The following THRB variants were observed in gnomAD, a reference collection of about 807,000 sequenced individuals.
The protein encoded by THRB is nuclear receptor subfamily 1 group A member 2.
A neutral mutation model predicts 47.8 loss-of-function variants in THRB; 12 were observed. The observed-to-expected ratio is 0.25, with a 90% CI of 0.16 to 0.41. THRB has a LOEUF of 0.41. Among genes scored for constraint, THRB ranks in the 10% least tolerant of loss-of-function variants. The probability of loss-of-function intolerance (pLI) is 1.00; values close to 1 mark genes in which losing one functional copy is unlikely to be tolerated. For synonymous variants in THRB, 218 were observed against 212.2 expected (o/e 1.03, Z -0.24); for missense variants, 348 against 589.2 (o/e 0.59, Z 4.24).
intron 5 of THRB, among the ~76,000 whole-genome samples, chr3:24,163,323 A>G (rs1459209913): frequency 6.6e-6 from 1 of 152,204 alleles, no homozygotes; most frequent in Non-Finnish European, 1.5e-5. Flanking sequence ...AATTACATCA[A>G]TATATGCATA....
chr3:24,370,626 G>A (rs2064836564), intron 1 of THRB, among the ~76,000 whole-genome samples: 1 of 152,120 alleles, frequency 6.6e-6, no homozygotes, highest in South Asian at 2.1e-4. Context: ...ACCCTCACTA[G>A]TCTGGGGACA....
At chr3:24,187,892 C>T (rs4858585) in intron 5 of THRB, among the ~76,000 whole-genome samples, 39,571 of 152,064 alleles carry the variant, frequency 0.26, 5,960 homozygotes, top group African/African-American at 0.42. Flanking sequence ...CAAGATGACA[C>T]AGGTTTCCTG....
intron 3 of THRB, among the ~76,000 whole-genome samples, chr3:24,247,971 T>A (rs1208560431): frequency 6.6e-6 from 1 of 152,190 alleles, no homozygotes; most frequent in Non-Finnish European, 1.5e-5. Flanking sequence ...AAAAGTTTAC[T>A]CTTGATGAGT....
chr3:24,448,247 A>C (rs902041844), intron 1 of THRB, among the ~76,000 whole-genome samples: 1 of 152,136 alleles, frequency 6.6e-6, no homozygotes, highest in African/African-American at 2.4e-5. Context: ...TTAACTTTAA[A>C]AAAGACTCGC....
chr3:24,260,640 A>C (rs2051864074), intron 3 of THRB, among the ~76,000 whole-genome samples: 1 of 152,076 alleles, frequency 6.6e-6, no homozygotes, highest in Non-Finnish European at 1.5e-5. Context: ...TGCGCACTAA[A>C]TGCTCTCAGG....
At chr3:24,238,104 T>C (rs1252902561) in intron 3 of THRB, 1 of 152,070 alleles carries the variant, frequency 6.6e-6, no homozygotes, top group Admixed American at 6.6e-5. Flanking sequence ...AGATAGTCTC[T>C]TAAGAGGACA....
intron 6 of THRB, among the ~76,000 whole-genome samples, chr3:24,147,955 A>C (rs1360739530): frequency 3.3e-5 from 5 of 152,122 alleles, no homozygotes; most frequent in Non-Finnish European, 5.9e-5. Context: ...GCGGCACTCC[A>C]CATCTTACTT....
At chr3:24,379,376 G>A (rs1452411961) in intron 1 of THRB, among the ~76,000 whole-genome samples, 1 of 152,154 alleles carries the variant, frequency 6.6e-6, no homozygotes, top group African/African-American at 2.4e-5. Context: ...CCATAAGGGA[G>A]AGTCAAGGGT....
chr3:24,125,200 T>C (rs139493328), intron 10 of THRB, among the ~76,000 whole-genome samples: 4 of 152,312 alleles, frequency 2.6e-5, no homozygotes, highest in South Asian at 4.1e-4. Flanking sequence ...ACCACAAAAA[T>C]AGATGCATGG....
chr3:24,294,834 GACTCTAGGGACTAGCAAGGA>G (rs1263367126), intron 3 of THRB, among the ~76,000 whole-genome samples: 1 of 152,206 alleles, frequency 6.6e-6, no homozygotes, highest in Non-Finnish European at 1.5e-5. Context: ...TTATTTGTTT[GACTCTAGGGACTAGCAAGGA>G]AACTTTCCCT....
intron 2 of THRB, among the ~76,000 whole-genome samples, chr3:24,299,946 C>T (rs1021631373): frequency 5.3e-5 from 8 of 151,976 alleles, no homozygotes; most frequent in Non-Finnish European, 1.2e-4. Flanking sequence ...TTGAGTTGCA[C>T]ATCCCAACAC....
chr3:24,457,628 T>C (rs942813597), intron 1 of THRB, among the ~76,000 whole-genome samples: 56 of 152,354 alleles, frequency 3.7e-4, no homozygotes, highest in African/African-American at 1.3e-3. Context: ...GAAAATATTA[T>C]ACGTTTGGTA....
chr3:24,317,968 G>A (rs536447548), intron 2 of THRB, among the ~76,000 whole-genome samples: 1 of 152,212 alleles, frequency 6.6e-6, no homozygotes, highest in Admixed American at 6.5e-5. Flanking sequence ...TGAGTCGGGA[G>A]GATCACCTGA....
chr3:24,266,338 C>T (rs763636820), intron 3 of THRB, among the ~76,000 whole-genome samples: 1 of 152,132 alleles, frequency 6.6e-6, no homozygotes, highest in Non-Finnish European at 1.5e-5. Flanking sequence ...TGGGCTGTGG[C>T]GGTGTGGCTC....
chr3:24,464,827 C>A (rs1560253028), intron 1 of THRB, among the ~76,000 whole-genome samples: 1 of 152,056 alleles, frequency 6.6e-6, no homozygotes, highest in African/African-American at 2.4e-5. Context: ...TAAAGAAAAT[C>A]TTTTTTTATC....
intron 7 of THRB, 120 bp downstream of exon 7, chr3:24,146,555 G>A (rs1163668359): frequency 9.3e-7 from 1 of 1,070,102 alleles, no homozygotes; most frequent in African/African-American, 1.5e-5. Flanking sequence ...GCGAAAGTAA[G>A]GTATTCCCTT....
chr3:24,416,045 A>G (rs1425474639), intron 1 of THRB, among the ~76,000 whole-genome samples: 1 of 151,926 alleles, frequency 6.6e-6, no homozygotes, highest in African/African-American at 2.4e-5. Flanking sequence ...GAGTTGTTAC[A>G]TAATATAATT....
chr3:24,411,631 T>G (rs187063458), intron 1 of THRB, among the ~76,000 whole-genome samples: 2 of 151,936 alleles, frequency 1.3e-5, no homozygotes, highest in African/African-American at 2.4e-5. Context: ...ACTACTTTTA[T>G]CTGAATCAAT....
chr3:24,379,435 T>G (rs2065531673), intron 1 of THRB, among the ~76,000 whole-genome samples: 1 of 152,118 alleles, frequency 6.6e-6, no homozygotes, highest in Non-Finnish European at 1.5e-5. Context: ...GACCCATGTC[T>G]CAAGCCAAGA....
Sources: allele counts gnomAD v4.1 joint callset (sites outside exome capture counted in the v4.1 genomes callset), GRCh38; gene constraint gnomAD v4.1.1; transcripts MANE v1.5; gene names NCBI Gene and HGNC (gene_info 2026-07-23, HGNC 2026-07-21).